The following AUTS2 variants were observed in gnomAD, a reference collection of about 807,000 sequenced individuals.
AUTS2 encodes the protein activator of transcription and developmental regulator AUTS2, also known as autism susceptibility gene 2 protein.
A neutral mutation model predicts 112.4 loss-of-function variants in AUTS2; 17 were observed. The ratio of observed to expected loss-of-function variants is 0.15; its 90% CI spans 0.10 to 0.23. The LOEUF is 0.23. Among genes scored for constraint, AUTS2 ranks in the 10% least tolerant of loss-of-function variants. The probability of loss-of-function intolerance (pLI) is 1.00; values close to 1 mark genes in which losing one functional copy is unlikely to be tolerated. For synonymous variants in AUTS2, 751 were observed against 702.7 expected (o/e 1.07, Z -1.09); for missense variants, 1,510 against 1,701.6 (o/e 0.89, Z 1.98).
At chr7:70,463,390 T>G (rs988907211) in intron 5 of AUTS2, among the ~76,000 whole-genome samples, 1 of 152,238 alleles carries the variant, frequency 6.6e-6, no homozygotes, top group African/African-American at 2.4e-5. Context: ...GACTTTAACA[T>G]GAGAGGGAGT....
chr7:70,097,989 C>T (rs190243118), intron 2 of AUTS2, among the ~76,000 whole-genome samples: 10 of 152,228 alleles, frequency 6.6e-5, no homozygotes, highest in Admixed American at 3.9e-4. Context: ...TTAAATAATA[C>T]GTAGAATCAG....
At chr7:70,391,695 A>G (rs572333909) in intron 4 of AUTS2, among the ~76,000 whole-genome samples, 41 of 152,164 alleles carry the variant, frequency 2.7e-4, no homozygotes, top group Non-Finnish European at 5.4e-4. Flanking sequence ...AAATAAAAAA[A>G]TAAAAAGCAG....
chr7:70,340,195 C>CACACACACACACACACACACACA (rs1562892230), intron 4 of AUTS2, among the ~76,000 whole-genome samples: 1 of 150,482 alleles, frequency 6.6e-6, no homozygotes, highest in African/African-American at 2.5e-5. Flanking sequence ...CACACACACA[C>CACACACACACACACACACACACA]CCCGTAATAA....
intron 5 of AUTS2, among the ~76,000 whole-genome samples, chr7:70,643,466 G>A (rs1214493372): frequency 1.3e-5 from 2 of 152,198 alleles, no homozygotes; most frequent in Non-Finnish European, 2.9e-5. Context: ...AGCTACCCAG[G>A]AGGCTGCAGG....
intron 2 of AUTS2, among the ~76,000 whole-genome samples, chr7:69,926,378 A>G (rs1796008427): frequency 6.6e-6 from 1 of 152,092 alleles, no homozygotes; most frequent in Non-Finnish European, 1.5e-5. Flanking sequence ...TCCCTTTATT[A>G]TTATGAGATG....
At chr7:70,632,078 G>A (rs1805291691) in intron 5 of AUTS2, among the ~76,000 whole-genome samples, 1 of 151,968 alleles carries the variant, frequency 6.6e-6, no homozygotes. Context: ...GTCAGAGGGG[G>A]CTGGATTTAG....
chr7:70,318,457 C>T (rs1052909776), intron 4 of AUTS2, among the ~76,000 whole-genome samples: 5 of 151,940 alleles, frequency 3.3e-5, no homozygotes, highest in South Asian at 4.2e-4. Flanking sequence ...AGCGGCCCAC[C>T]GATAACCTTA....
intron 4 of AUTS2, among the ~76,000 whole-genome samples, chr7:70,218,309 G>A (rs1028617927): frequency 2.0e-5 from 3 of 152,152 alleles, no homozygotes. Flanking sequence ...TAGAGATAAG[G>A]TGAACAGAGG....
At chr7:69,676,125 A>G (rs1263060345) in intron 1 of AUTS2, among the ~76,000 whole-genome samples, 1 of 152,184 alleles carries the variant, frequency 6.6e-6, no homozygotes, top group African/African-American at 2.4e-5. Context: ...ATCTCCAGTT[A>G]TTCAGAAGGA....
At chr7:69,948,782 ATTT>A (rs1297532507) in intron 2 of AUTS2, among the ~76,000 whole-genome samples, 1 of 108,398 alleles carries the variant, frequency 9.2e-6, no homozygotes, top group Non-Finnish European at 1.9e-5. Context: ...TCATTTATTT[ATTT>A]ATTTATTTAT....
At chr7:70,469,842 G>A (rs1437549099) in intron 5 of AUTS2, among the ~76,000 whole-genome samples, 2 of 152,148 alleles carry the variant, frequency 1.3e-5, no homozygotes, top group African/African-American at 2.4e-5. Flanking sequence ...GTTTTGCCAG[G>A]TTGGCCAGGC....
At chr7:70,356,906 T>C (rs1038942716) in intron 4 of AUTS2, among the ~76,000 whole-genome samples, 1 of 152,182 alleles carries the variant, frequency 6.6e-6, no homozygotes, top group African/African-American at 2.4e-5. Context: ...AGTTCCTTAG[T>C]AGAATTTCAC....
rs553196356 is a variant in AUTS2 at position 70,161,813 on chromosome 7, G to A, written c.660+27242G>A. Among the ~76,000 whole-genome samples the A allele has an allele frequency of 3.2e-4, 48 of 152,132 alleles. 2 individuals are homozygous for A. In the South Asian group the frequency reaches 1.0e-2, roughly 32 times the overall value. On this transcript the variant is annotated intron_variant, in intron 4 of 18. Transcript: ENST00000342771. ...GGGTAACACTCCATAAACCTGCAGT[G>A]ACATCCAGTGGCCTCGTGGTGTAAT...
At chr7:69,677,095 A>G (rs1796599086) in intron 1 of AUTS2, among the ~76,000 whole-genome samples, 1 of 152,188 alleles carries the variant, frequency 6.6e-6, no homozygotes. Flanking sequence ...CTTTTTGAGT[A>G]TAAGGGTTTC....
At chr7:70,350,732 T>A (rs538106640) in intron 4 of AUTS2, among the ~76,000 whole-genome samples, 1 of 152,280 alleles carries the variant, frequency 6.6e-6, no homozygotes, top group Non-Finnish European at 1.5e-5. Context: ...TTTACCCTTT[T>A]TATGTGGCAA....
chr7:70,563,745 C>T (rs1008525365), intron 5 of AUTS2, among the ~76,000 whole-genome samples: 3 of 152,156 alleles, frequency 2.0e-5, no homozygotes, highest in Non-Finnish European at 2.9e-5. Flanking sequence ...CATTCACTCT[C>T]GTAATTACAG....
At chr7:70,739,324 A>G (rs1028603977) in intron 6 of AUTS2, among the ~76,000 whole-genome samples, 2 of 144,948 alleles carry the variant, frequency 1.4e-5, no homozygotes, top group Non-Finnish European at 3.0e-5. Flanking sequence ...ACCACACCCC[A>G]CTAATGTTGC....
intron 4 of AUTS2, among the ~76,000 whole-genome samples, chr7:70,349,722 G>A (rs1206342330): frequency 1.3e-5 from 2 of 151,928 alleles, no homozygotes; most frequent in East Asian, 3.9e-4. Flanking sequence ...CTTTGAGATG[G>A]GTGGACAAAC....
chr7:70,393,403 T>C (rs1793948905), intron 4 of AUTS2, among the ~76,000 whole-genome samples: 1 of 152,194 alleles, frequency 6.6e-6, no homozygotes, highest in South Asian at 2.1e-4. Flanking sequence ...CTGCCCTTCC[T>C]GCTCATCTGC....
Sources: allele counts gnomAD v4.1 joint callset (sites outside exome capture counted in the v4.1 genomes callset), GRCh38; gene constraint gnomAD v4.1.1; transcripts MANE v1.5; gene names NCBI Gene and HGNC (gene_info 2026-07-23, HGNC 2026-07-21).